The following DLGAP2 variants were observed in gnomAD, a reference collection of about 807,000 sequenced individuals.
DLGAP2 encodes the protein DLG associated protein 2.
In DLGAP2, 26 loss-of-function variants were observed where a neutral mutation model predicts 100.3. That is an observed-to-expected ratio of 0.26 (90% confidence interval 0.19 to 0.36). The LOEUF is 0.36. DLGAP2 is among the 10% of genes least tolerant of loss of function. The pLI is 1.00. For synonymous variants in DLGAP2, 886 were observed against 630.1 expected, an observed-to-expected ratio of 1.41 and a Z score of -6.08; for missense variants, 1,858 against 1,453.2, an observed-to-expected ratio of 1.28 and a Z score of -4.53.
intron 6 of DLGAP2, among the ~76,000 whole-genome samples, chr8:1,591,245 G>A (rs1010781308): frequency 6.6e-6 from 1 of 151,974 alleles, no homozygotes; most frequent in African/African-American, 2.4e-5. Flanking sequence ...AATTTCTAGG[G>A]AATTACAGGG....
chr8:1,418,826 G>A (rs543685747), intron 3 of DLGAP2, among the ~76,000 whole-genome samples: 18 of 152,294 alleles, frequency 1.2e-4, no homozygotes, highest in African/African-American at 3.6e-4. Flanking sequence ...ACGCAGCCCC[G>A]CAAGACCAGG....
At chr8:1,175,170 A>G (rs1023070380) in intron 2 of DLGAP2, among the ~76,000 whole-genome samples, 1 of 152,122 alleles carries the variant, frequency 6.6e-6, no homozygotes, top group Non-Finnish European at 1.5e-5. Context: ...ATCTGATGAC[A>G]TTTCTGCTAT....
At position 1,594,719 on chromosome 8, in the gene DLGAP2, C is replaced by A. The variant is rs373001070; in HGVS notation, c.1442+28825C>A. 7.9e-5 allele frequency among the ~76,000 whole-genome samples: 12 copies of A among 152,210 alleles called. No homozygotes were observed. In the South Asian group the frequency reaches 2.5e-3, roughly 32 times the overall value. ...GATTACAGTTGTGAGCCACCGCGCC[C>A]GGCCAGGTCACACTCTCTTATAATG... On this transcript the variant is annotated intron_variant, in intron 6 of 14. Transcript: ENST00000637795.
intron 6 of DLGAP2, among the ~76,000 whole-genome samples, chr8:1,614,420 G>A (rs561169091): frequency 5.3e-5 from 8 of 152,356 alleles, no homozygotes; most frequent in African/African-American, 1.4e-4. Flanking sequence ...AAGGGGTGCC[G>A]AGGTTGGAAT....
intron 2 of DLGAP2, among the ~76,000 whole-genome samples, chr8:1,236,943 T>A (rs1798670881): frequency 6.8e-6 from 1 of 146,100 alleles, no homozygotes; most frequent in South Asian, 2.3e-4. Flanking sequence ...TTCTCTCACA[T>A]GGCGCCGTGT....
chr8:1,012,419 G>A (rs1279713021), intron 2 of DLGAP2, among the ~76,000 whole-genome samples: 1 of 152,250 alleles, frequency 6.6e-6, no homozygotes, highest in Admixed American at 6.5e-5. Flanking sequence ...CTGCGCGAGC[G>A]AGGATCTCCA....
intron 2 of DLGAP2, among the ~76,000 whole-genome samples, chr8:1,126,232 A>G (rs1304655236): frequency 6.6e-6 from 1 of 152,166 alleles, no homozygotes; most frequent in Non-Finnish European, 1.5e-5. Context: ...TGTACCCTTT[A>G]TTCTCAAAAA....
chr8:1,067,920 G>T (rs895930301), intron 2 of DLGAP2, among the ~76,000 whole-genome samples: 2 of 152,014 alleles, frequency 1.3e-5, no homozygotes, highest in Non-Finnish European at 2.9e-5. Flanking sequence ...CCACAGAGGA[G>T]TTTCTCTGTC....
At chr8:1,541,902 G>C (rs1248381794) in intron 4 of DLGAP2, among the ~76,000 whole-genome samples, 1 of 152,228 alleles carries the variant, frequency 6.6e-6, no homozygotes, top group Non-Finnish European at 1.5e-5. Context: ...CACAATCATG[G>C]TCACGGAACG....
chr8:1,694,051 A>C (rs1025028033), intron 13 of DLGAP2, among the ~76,000 whole-genome samples: 3 of 152,190 alleles, frequency 2.0e-5, no homozygotes, highest in Admixed American at 6.5e-5. Flanking sequence ...AGACCTGCTA[A>C]ATGTTCCTTT....
chr8:1,316,834 G>A (rs1403054122), intron 3 of DLGAP2, among the ~76,000 whole-genome samples: 1 of 145,714 alleles, frequency 6.9e-6, no homozygotes, highest in African/African-American at 2.6e-5. Context: ...GAGCCTGTGC[G>A]AGTGCAGCGT....
intron 1 of DLGAP2, among the ~76,000 whole-genome samples, chr8:760,367 G>C (rs1821050088): frequency 6.6e-6 from 1 of 151,988 alleles, no homozygotes; most frequent in Admixed American, 6.5e-5. Context: ...TCTCTCTCCT[G>C]GTTAGACCGA....
chr8:1,383,508 G>T (rs1308635017), intron 3 of DLGAP2, among the ~76,000 whole-genome samples: 2 of 152,202 alleles, frequency 1.3e-5, no homozygotes, highest in East Asian at 3.9e-4. Flanking sequence ...GCTCAAGGAG[G>T]CAAATGGTTT....
chr8:1,686,017 T>A (rs369135081), intron 12 of DLGAP2, among the ~76,000 whole-genome samples: 8 of 152,298 alleles, frequency 5.3e-5, no homozygotes, highest in African/African-American at 1.9e-4. Context: ...GTATAGAGAT[T>A]TCTCAAAAAC....
At chr8:956,210 G>A (rs1262824010) in intron 2 of DLGAP2, among the ~76,000 whole-genome samples, 1 of 152,228 alleles carries the variant, frequency 6.6e-6, no homozygotes. Context: ...TTCCTGTGCA[G>A]TGGTGGATGT....
intron 2 of DLGAP2, among the ~76,000 whole-genome samples, chr8:1,164,386 C>CCCCAGGGCCCG (rs1796971503): frequency 2.9e-4 from 21 of 71,908 alleles, no homozygotes; most frequent in South Asian, 4.3e-4. Flanking sequence ...TTCTGTGAGC[C>CCCCAGGGCCCG]TCCCAGGGCC....
intron 1 of DLGAP2, among the ~76,000 whole-genome samples, chr8:838,431 A>G (rs1304932316): frequency 6.6e-6 from 1 of 151,700 alleles, no homozygotes; most frequent in Non-Finnish European, 1.5e-5. Context: ...TTTTATTTTT[A>G]GTGCTCCCTG....
chr8:1,220,569 A>T (rs368926797), intron 2 of DLGAP2, among the ~76,000 whole-genome samples: 3 of 152,078 alleles, frequency 2.0e-5, no homozygotes, highest in African/African-American at 7.2e-5. Context: ...ATGAGACTAT[A>T]TATTCTGTTG....
intron 2 of DLGAP2, among the ~76,000 whole-genome samples, chr8:1,198,715 C>CA (rs1332332657): frequency 6.6e-6 from 1 of 152,240 alleles, no homozygotes; most frequent in Non-Finnish European, 1.5e-5. Flanking sequence ...CCTGAAGAGA[C>CA]ACGTGTGCCT....
Sources: allele counts gnomAD v4.1 joint callset (sites outside exome capture counted in the v4.1 genomes callset), GRCh38; gene constraint gnomAD v4.1.1; transcripts MANE v1.5; gene names NCBI Gene and HGNC (gene_info 2026-07-23, HGNC 2026-07-21).